LRRC27: variants seen among roughly 807,000 people sequenced by gnomAD.
The protein encoded by LRRC27 is leucine-rich repeat-containing protein 27.
In LRRC27, 57 loss-of-function variants were observed where a neutral mutation model predicts 55.0. That is an observed-to-expected ratio of 1.04 (90% CI 0.84 to 1.29). The LOEUF is 1.29. Among genes scored for constraint, LRRC27 ranks in the 50% most tolerant of loss-of-function variants. LRRC27 has a pLI of 0.00. For missense variants in LRRC27, 721 were observed against 651.5 expected (o/e 1.11, Z -1.16); for synonymous variants, 278 against 251.9 (o/e 1.10, Z -0.98).
Position 132,361,576 on chromosome 10 carries a change from G to A in LRRC27, c.1289+1G>A. 6.2e-7 allele frequency: 1 copy of A among 1,604,970 alleles called. No individual in the cohort carries two copies. The highest frequency in any genetic ancestry group is 8.5e-7 in the Non-Finnish European group (1 of 1,172,096). ...CGCCACAAGCAAGTAAAGAAATGAG[G>A]TTGGTAACTGCAACTGGCACTCAGT... On this transcript the variant is annotated splice_donor_variant, in intron 9 of 10. Transcript: ENST00000368614. LOFTEE classifies it high-confidence loss of function.
chr10:132,359,316 A>G (rs2068500916), intron 8 of LRRC27, among the ~76,000 whole-genome samples: 1 of 152,172 alleles, frequency 6.6e-6, no homozygotes, highest in Non-Finnish European at 1.5e-5. Flanking sequence ...ATTTAGTTAC[A>G]CAGAAGTGTA....
chr10:132,361,865 G>A (rs1194652169), intron 9 of LRRC27, among the ~76,000 whole-genome samples: 2 of 151,408 alleles, frequency 1.3e-5, no homozygotes, highest in Non-Finnish European at 2.9e-5. Context: ...TGCTGTGGGC[G>A]CCAAGGGGAG....
At chr10:132,364,748 G>GCCCACACTCACACCCA (rs2068946003) in intron 9 of LRRC27, among the ~76,000 whole-genome samples, 1 of 28,496 alleles carries the variant, frequency 3.5e-5, no homozygotes, top group African/African-American at 8.2e-5. Context: ...CTACCTCCAC[G>GCCCACACTCACACCCA]CCCACACTTA....
chr10:132,359,467 G>A lies in LRRC27; in HGVS notation c.1171-1990G>A, dbSNP rs541470858. The stretch of plus-strand genomic sequence containing the variant: ...TCCCTGCAGCTGGGCAGGAGGACAC[G>A]AGAGGGCGCCACGGCCTTGGGTGGC... On this transcript the variant is annotated intron_variant, in intron 8 of 10. Transcript: ENST00000368614. Among the ~76,000 whole-genome samples, 251 of 152,336 alleles carry A rather than the reference G, an allele frequency of 1.6e-3. 2 individuals are homozygous for A. Among genetic ancestry groups the A allele is most frequent in the African/African-American group, 5.7e-3 (239 of 41,574 alleles).
intron 7 of LRRC27, among the ~76,000 whole-genome samples, chr10:132,355,473 C>A (rs555696522): frequency 1.3e-4 from 20 of 152,336 alleles, no homozygotes; most frequent in African/African-American, 4.8e-4. Context: ...GTGGTGGCAG[C>A]CCCAGCTGGT....
At chr10:132,335,371 G>A (rs966587849) in intron 2 of LRRC27, 1 of 152,156 alleles carries the variant, frequency 6.6e-6, no homozygotes, top group Non-Finnish European at 1.5e-5. Context: ...CTCATAGGCT[G>A]AGTACTATGG....
At chr10:132,364,368 T>TA (rs1446303787) in intron 9 of LRRC27, among the ~76,000 whole-genome samples, 1 of 1,550 alleles carries the variant, frequency 6.5e-4, no homozygotes, top group African/African-American at 1.8e-3. Flanking sequence ...CACCCGCGCT[T>TA]ACACCCACCC....
chr10:132,335,378 A>G (rs749430713), intron 2 of LRRC27: 2 of 152,028 alleles, frequency 1.3e-5, no homozygotes, highest in African/African-American at 2.4e-5. Flanking sequence ...GCTGAGTACT[A>G]TGGGGGTCAC....
intron 10 of LRRC27, among the ~76,000 whole-genome samples, chr10:132,373,045 A>C (rs933505039): frequency 1.3e-5 from 2 of 152,342 alleles, no homozygotes; most frequent in Admixed American, 1.3e-4. Flanking sequence ...AAAAATGACA[A>C]GCCAGAATTA....
intron 10 of LRRC27, among the ~76,000 whole-genome samples, chr10:132,369,785 C>G (rs1241823009): frequency 6.6e-6 from 1 of 152,126 alleles, no homozygotes; most frequent in Non-Finnish European, 1.5e-5. Flanking sequence ...CTAGAAAAAT[C>G]AAGTCCGGGT....
In LRRC27 at chr10:132,359,569, G is replaced by A. The variant is rs550249117; in HGVS notation, c.1171-1888G>A. Among the ~76,000 whole-genome samples the A allele has an allele frequency of 4.3e-4, 66 of 152,354 alleles. 1 individual carries two copies. In the South Asian group the frequency reaches 8.5e-3, roughly 20 times the overall value. ...TGGGCGGGCCTGGGGAATCATGGCC[G>A]CTGGCTTTGCAGCCTGGTCCTGGAG... On this transcript the variant is annotated intron_variant, in intron 8 of 10. Transcript: ENST00000368614.
chr10:132,352,990 G>A (rs747459721), intron 7 of LRRC27: 1 of 1,612,906 alleles, frequency 6.2e-7, no homozygotes, highest in Admixed American at 1.7e-5. Context: ...CTTGCGAGGT[G>A]TGTTGGCCGA....
chr10:132,352,867 C>T, intron 7 of LRRC27: 1 of 1,613,700 alleles, frequency 6.2e-7, no homozygotes. Context: ...TCCCTCATTT[C>T]TTGTTCTTCC....
chr10:132,381,345 C>T lies in LRRC27; in HGVS notation c.*6103C>T, dbSNP rs1013913040. 3.9e-5 allele frequency among the ~76,000 whole-genome samples: 6 copies of T among 152,262 alleles called. No individual in the cohort carries two copies. Among genetic ancestry groups the T allele is most frequent in the African/African-American group, 1.4e-4 (6 of 41,460 alleles). ...CCAGGGGCTCTCGGGCCTTCGGCCA[C>T]AGACTGAAGGCTGCACTGTCGGCTT... is the stretch of plus-strand genomic sequence containing the variant. On this transcript the variant is annotated 3_prime_UTR_variant, in exon 11 of 11. Coordinates refer to ENST00000368614, the MANE Select transcript of LRRC27 (RefSeq NM_030626.3).
At chr10:132,359,128 C>CA (rs1287652386) in intron 8 of LRRC27, among the ~76,000 whole-genome samples, 1 of 66,682 alleles carries the variant, frequency 1.5e-5, no homozygotes. Flanking sequence ...GGTGGTGGAG[C>CA]GTGGGAAGGA....
chr10:132,355,808 G>A lies in LRRC27; in HGVS notation c.1092G>A (p.Gln364=). The change falls in exon 8 of 11, where the codon CAG becomes CAA. Residue 364 remains glutamine, a synonymous_variant. Coordinates refer to ENST00000368614, the MANE Select transcript of LRRC27 (RefSeq NM_030626.3). ...TCTCCAGAGAGAAAAGGGCACTGCA[G>A]GAGTGGAGAGAGCGAGCCCAGAGGA... ...EQQRREKRAL[Q]EWRERAQRMR... The A allele has an allele frequency of 4.5e-6, 7 of 1,554,794 alleles. No homozygotes were observed. Among genetic ancestry groups the A allele is most frequent in the East Asian group, 2.4e-5 (1 of 41,112 alleles).
At chr10:132,331,832 G>C, upstream of LRRC27, 2 of 1,519,030 alleles carry the variant, frequency 1.3e-6, no homozygotes, top group Non-Finnish European at 1.8e-6. Context: ...TCAAGGCCGC[G>C]GGCGCGGAAA....
rs1251664186 is a variant in LRRC27, at chr10:132,348,271, C to T, written c.841C>T (p.Gln281Ter). 4 of 1,614,080 alleles carry T rather than the reference C, an allele frequency of 2.5e-6. No homozygotes were observed. In the Admixed American group the frequency reaches 5.0e-5, roughly 20 times the overall value. The change falls in exon 6 of 11, where the codon CAG becomes TAG. Residue 281 changes from glutamine (Q) to a stop codon, truncating the protein, a stop_gained. Transcript: ENST00000368614. LOFTEE classifies it high-confidence loss of function. This position sits in a 1 kb window ranked among gnomAD's most constrained non-coding sequence, Gnocchi z 4.2. ...CGTGAAGGCAGACGTTCTGGGAGAT[C>T]AGCTCTTGACGAGGGAATTACCTCC... Reference protein sequence around the residue: ...EHVKADVLGDQLLTRELPPNL... With the variant: ...EHVKADVLGD
chr10:132,364,455 T>TTA (rs2068858241), intron 9 of LRRC27, among the ~76,000 whole-genome samples: 2 of 118,030 alleles, frequency 1.7e-5, no homozygotes, highest in Non-Finnish European at 1.9e-5. Flanking sequence ...ACACCCACAC[T>TTA]CACACCCACC....
Sources: allele counts gnomAD v4.1 joint callset (sites outside exome capture counted in the v4.1 genomes callset), GRCh38; gene constraint gnomAD v4.1.1; non-coding constraint Gnocchi (gnomAD v3.1); transcripts MANE v1.5; gene names NCBI Gene and HGNC (gene_info 2026-07-23, HGNC 2026-07-21).